DSTYK: variants seen among roughly 807,000 people sequenced by gnomAD.
DSTYK encodes the protein RIP-homologous kinase.
A neutral mutation model predicts 98.7 loss-of-function variants in DSTYK; 34 were observed. The observed-to-expected ratio is 0.34, with a 90% CI of 0.26 to 0.46. DSTYK has a LOEUF of 0.46. Among genes scored for constraint, DSTYK ranks in the 20% least tolerant of loss-of-function variants. The pLI, the probability that DSTYK is intolerant of heterozygous loss-of-function variation, is 1.00. For synonymous variants in DSTYK, 462 were observed against 457.3 expected (o/e 1.01, Z -0.13); for missense variants, 962 against 1,181.7 (o/e 0.81, Z 2.73).
intron 2 of DSTYK, among the ~76,000 whole-genome samples, chr1:205,172,435 T>C (rs906442940): frequency 6.6e-6 from 1 of 150,516 alleles, no homozygotes; most frequent in Non-Finnish European, 1.5e-5. Context: ...AAGTAGCTGA[T>C]ACTACAGGTG....
intron 10 of DSTYK, among the ~76,000 whole-genome samples, chr1:205,153,659 T>C (rs1257125100): frequency 2.0e-5 from 3 of 151,874 alleles, no homozygotes; most frequent in Non-Finnish European, 4.4e-5. Flanking sequence ...ATGTCCTTTT[T>C]CTTAGGAGAT....
intron 10 of DSTYK, among the ~76,000 whole-genome samples, chr1:205,152,765 G>A (rs181320335): frequency 6.6e-6 from 1 of 152,060 alleles, no homozygotes; most frequent in Non-Finnish European, 1.5e-5. Flanking sequence ...TGAGGGTCAT[G>A]TCAGTGCCCA....
intron 1 of DSTYK, chr1:205,202,545 G>A: frequency 1.1e-6 from 1 of 925,938 alleles, no homozygotes; most frequent in East Asian, 2.4e-5. Context: ...ATATCAAAGT[G>A]AACAAAGCAC....
chr1:205,163,135 G>A, intron 4 of DSTYK, 129 bp from the exon 5 acceptor site: 1 of 742,624 alleles, frequency 1.3e-6, no homozygotes, highest in East Asian at 2.6e-5. Context: ...CAATATATAT[G>A]CAGAGTCAAC....
At chr1:205,164,112 A>AG (rs1402494043) in intron 3 of DSTYK, among the ~76,000 whole-genome samples, 157 bp from the exon 4 acceptor site, 2 of 152,328 alleles carry the variant, frequency 1.3e-5, no homozygotes, top group Admixed American at 1.3e-4. Flanking sequence ...CACAATGATC[A>AG]GGGGTCACGT....
intron 4 of DSTYK, 100 bp from the exon 5 acceptor site, chr1:205,163,106 G>A: frequency 1.9e-6 from 2 of 1,073,856 alleles, no homozygotes; most frequent in East Asian, 4.8e-5. Flanking sequence ...CCAGACTCAG[G>A]GTTTCCAAAC....
rs114010349 is a variant in DSTYK, at chr1:205,144,047, G to A, written c.*3511C>T. 9.5e-3 allele frequency: 1,447 copies of A among 152,708 alleles called. 19 individuals are homozygous for A. The highest frequency in any genetic ancestry group is 0.033 in the African/African-American group (1,361 of 41,544). The allele number at this position is 152,708 out of a possible 1,614,324, so 9.5% of individuals were successfully genotyped here. A position where few individuals can be genotyped will look rare whatever the true frequency, so the allele number is the denominator to read the frequency against. ...GATCAGGGAACTAAGGTATGCCTGG[G>A]GAAACCCCACCCAAATGAGCCATGC... On this transcript the variant is annotated 3_prime_UTR_variant, in exon 13 of 13. Transcript: ENST00000367162.
At chr1:205,191,438 T>C (rs1364739048) in intron 1 of DSTYK, among the ~76,000 whole-genome samples, 1 of 152,172 alleles carries the variant, frequency 6.6e-6, no homozygotes, top group Non-Finnish European at 1.5e-5. Flanking sequence ...TCTGACTAGC[T>C]CTGTGACCTT....
intron 3 of DSTYK, among the ~76,000 whole-genome samples, chr1:205,167,913 C>G (rs1244270884): frequency 6.6e-6 from 1 of 152,074 alleles, no homozygotes; most frequent in Non-Finnish European, 1.5e-5. Flanking sequence ...AACATCCTGG[C>G]CAACATGATG....
chr1:205,205,458 T>A (rs945053136), intron 1 of DSTYK, among the ~76,000 whole-genome samples: 9 of 152,122 alleles, frequency 5.9e-5, no homozygotes, highest in Non-Finnish European at 8.8e-5. Context: ...ATTATTATTT[T>A]TTTTTGAGAC....
At chr1:205,152,696 T>C (rs150447164) in intron 10 of DSTYK, among the ~76,000 whole-genome samples, 2 of 152,278 alleles carry the variant, frequency 1.3e-5, no homozygotes, top group African/African-American at 4.8e-5. Flanking sequence ...GTATCTATTA[T>C]ATTTGCTGAT....
intron 2 of DSTYK, among the ~76,000 whole-genome samples, chr1:205,186,058 A>G (rs566213156): frequency 6.0e-4 from 91 of 152,188 alleles, no homozygotes; most frequent in Admixed American, 9.2e-4. Context: ...AAATATATAT[A>G]TAAGTTTGAA....
intron 10 of DSTYK, among the ~76,000 whole-genome samples, chr1:205,154,765 T>C (rs567628280): frequency 6.6e-6 from 1 of 152,172 alleles, no homozygotes; most frequent in Non-Finnish European, 1.5e-5. Flanking sequence ...AGAGACTTGT[T>C]GAATGGCTTT....
intron 2 of DSTYK, among the ~76,000 whole-genome samples, chr1:205,176,658 T>A (rs1205176605): frequency 6.6e-6 from 1 of 151,420 alleles, no homozygotes; most frequent in Non-Finnish European, 1.5e-5. Context: ...CCCAGGCTGG[T>A]CTTAAAACTC....
chr1:205,179,738 A>G (rs1658341850), intron 2 of DSTYK, among the ~76,000 whole-genome samples: 1 of 150,350 alleles, frequency 6.7e-6, no homozygotes. Context: ...ATCAAACAAG[A>G]TAATATCCTC....
At position 205,160,226 on chromosome 1, in the gene DSTYK, C is replaced by T. The variant is rs763603130; in HGVS notation, c.1993G>A (p.Val665Met). ...GQELGRGQYG[V>M]VYLCDNWGGH... Reference sequence around the variant, plus strand: ...CCCCAGTTGTCACACAGGTATACCACACCATACTGGCCCCGGCCCAGTTCC... The same window carrying T: ...CCCCAGTTGTCACACAGGTATACCATACCATACTGGCCCCGGCCCAGTTCC... Residue 665 changes from valine (V) to methionine (M), a missense_variant, in exon 8 of 13, where the codon GTG becomes ATG. By Grantham distance (21) the Val-to-Met change is conservative. This residue lies in a region of DSTYK where 660 missense variants were observed against 855.0 expected (regional missense o/e 0.77). Transcript: ENST00000367162. 9 of 1,614,158 alleles carry T rather than the reference C, an allele frequency of 5.6e-6. No homozygotes were observed. The highest frequency in any genetic ancestry group is 7.6e-6 in the Non-Finnish European group (9 of 1,180,014).
At chr1:205,186,888 C>T (rs977652042) in intron 2 of DSTYK, among the ~76,000 whole-genome samples, 1 of 152,160 alleles carries the variant, frequency 6.6e-6, no homozygotes, top group African/African-American at 2.4e-5. Flanking sequence ...CTCACATTCC[C>T]ATGTTCCTTA....
chr1:205,211,560 G>A lies in DSTYK; in HGVS notation c.-25C>T. Reference sequence around the variant, plus strand: ...TCGCCTCTGCCCGCTCTGTCTTTGCGGCTCGGTCCCCGGCCGCAGGCCCGG... The same window carrying A: ...TCGCCTCTGCCCGCTCTGTCTTTGCAGCTCGGTCCCCGGCCGCAGGCCCGG... On this transcript the variant is annotated 5_prime_UTR_variant, in exon 1 of 13. Coordinates refer to ENST00000367162, the MANE Select transcript of DSTYK (RefSeq NM_015375.3). 1 of 1,455,836 alleles carries A rather than the reference G, an allele frequency of 6.9e-7. No individual in the cohort carries two copies. The highest frequency in any genetic ancestry group is 2.7e-5 in the East Asian group (1 of 37,082). The allele number at this position is 1,455,836 out of a possible 1,614,324, so 90.2% of individuals were successfully genotyped here.
rs769315184 is a variant in DSTYK at position 205,161,284 on chromosome 1, C to G, written c.1922G>C (p.Cys641Ser). 4 of 1,614,112 alleles carry G rather than the reference C, an allele frequency of 2.5e-6. No homozygotes were observed. Among genetic ancestry groups the G allele is most frequent in the Non-Finnish European group, 3.4e-6 (4 of 1,179,984 alleles). Residue 641 changes from cysteine to serine, a missense_variant, in exon 7 of 13, where the codon TGT (cysteine) becomes TCT (serine). This residue lies in a region of DSTYK where 660 missense variants were observed against 855.0 expected (regional missense o/e 0.77). Coordinates refer to ENST00000367162, the MANE Select transcript of DSTYK (RefSeq NM_015375.3). ...ATGAAGCAAGACATCCTGTAAAGAA[C>G]AGCTTTCCAGAGAAAGGCGGGCCAG... ...PRLARLSLES[C>S]SLQDVLLHRK...
Sources: allele counts gnomAD v4.1 joint callset (sites outside exome capture counted in the v4.1 genomes callset), GRCh38; gene constraint gnomAD v4.1.1; regional missense constraint gnomAD v4.1.1; transcripts MANE v1.5; gene names NCBI Gene and HGNC (gene_info 2026-07-23, HGNC 2026-07-21).